The following GLI1 variants were observed in gnomAD, a reference collection of about 807,000 sequenced individuals.
GLI1 encodes GLI family zinc finger 1.
A neutral mutation model predicts 87.8 loss-of-function variants in GLI1; 51 were observed. The ratio of observed to expected loss-of-function variants is 0.58; its 90% CI spans 0.46 to 0.73. The LOEUF (loss-of-function observed/expected upper bound fraction) is 0.73. Among genes scored for constraint, GLI1 ranks in the 30% least tolerant of loss-of-function variants. The pLI, the probability that GLI1 is intolerant of heterozygous loss-of-function variation, is 0.00. For missense variants in GLI1, 1,292 were observed against 1,437.2 expected (o/e 0.90, Z 1.63); for synonymous variants, 528 against 558.2 (o/e 0.95, Z 0.76).
At chr12:57,461,758 CG>C (rs1319350559) in intron 1 of GLI1, among the ~76,000 whole-genome samples, 1 of 131,796 alleles carries the variant, frequency 7.6e-6, no homozygotes, top group Non-Finnish European at 1.7e-5. Flanking sequence ...CGAGGAGGCA[CG>C]GGGGCGGGGA....
At chr12:57,469,200 T>C (rs1393447130) in intron 10 of GLI1, among the ~76,000 whole-genome samples, 1 of 152,222 alleles carries the variant, frequency 6.6e-6, no homozygotes, top group Non-Finnish European at 1.5e-5. Flanking sequence ...CCCAAGGTCA[T>C]AGAACTAAGA....
Position 57,470,784 on chromosome 12 carries a change from A to G in GLI1, c.2044A>G (p.Thr682Ala). Residue 682 changes from threonine to alanine, a missense_variant, in exon 12 of 12, where the codon ACC (threonine) becomes GCC (alanine). Around this residue, in one of 3 missense-constraint regions of GLI1, gnomAD observed 897 missense variants for 1,040.7 expected, o/e 0.86. Coordinates refer to ENST00000228682, the MANE Select transcript of GLI1 (RefSeq NM_005269.3). ...ACAGAACTTTGATCCTTACCTCCCA[A>G]CCTCTGTCTACTCACCACAGCCCCC... The part of the protein sequence containing the change: ...GGQNFDPYLP[T>A]SVYSPQPPSI... The G allele has an allele frequency of 6.2e-7, 1 of 1,613,186 alleles. No homozygotes were observed. The highest frequency in any genetic ancestry group is 8.5e-7 in the Non-Finnish European group (1 of 1,179,588).
At chr12:57,462,240 C>T (rs952580283) in intron 1 of GLI1, among the ~76,000 whole-genome samples, 1 of 151,862 alleles carries the variant, frequency 6.6e-6, no homozygotes, top group African/African-American at 2.4e-5. Flanking sequence ...ACATTAGTTC[C>T]AAGGTCGAGT....
chr12:57,461,958 C>T (rs981035839), intron 1 of GLI1, among the ~76,000 whole-genome samples: 4 of 152,176 alleles, frequency 2.6e-5, no homozygotes, highest in African/African-American at 9.7e-5. Context: ...AAAAAGTTGG[C>T]GACATTTTCC....
chr12:57,463,971 T>G (rs1156420157), intron 2 of GLI1, 28 bp from the exon 3 acceptor site: 1 of 1,530,790 alleles, frequency 6.5e-7, no homozygotes, highest in Admixed American at 1.7e-5. Context: ...TATCCTCCAT[T>G]CCCATTCCAG....
intron 10 of GLI1, among the ~76,000 whole-genome samples, chr12:57,469,226 C>T (rs1431528997): frequency 6.6e-6 from 1 of 152,178 alleles, no homozygotes; most frequent in Admixed American, 6.5e-5. Flanking sequence ...AATTTGAGTC[C>T]AGCCAGTCCG....
At position 57,465,591 on chromosome 12, in the gene GLI1, T is replaced by C; in HGVS notation, c.535-16T>C. Reference sequence around the variant, plus strand: ...TACTTCCACCCTCATCACCGTCACCTCTTCCCCTGGGGAAGCTGAAGTCTG... The same window carrying C: ...TACTTCCACCCTCATCACCGTCACCCCTTCCCCTGGGGAAGCTGAAGTCTG... On this transcript the variant is annotated splice_polypyrimidine_tract_variant and intron_variant, in intron 5 of 11. Transcript: ENST00000228682. 2 of 1,605,564 alleles carry C rather than the reference T, an allele frequency of 1.2e-6. No homozygotes were observed. The highest frequency in any genetic ancestry group is 1.7e-6 in the Non-Finnish European group (2 of 1,172,546).
chr12:57,468,019 G>A lies in GLI1; in HGVS notation c.1103G>A (p.Gly368Asp), dbSNP rs746732590. The A allele has an allele frequency of 1.2e-6, 2 of 1,613,926 alleles. No individual in the cohort carries two copies. Among genetic ancestry groups the A allele is most frequent in the Non-Finnish European group, 1.7e-6 (2 of 1,179,938 alleles). ...AAGCCGTATGTATGTAAGCTCCCTG[G>A]CTGCACCAAACGCTATACAGATCCT... ...NEKPYVCKLPGCTKRYTDPSS... is the reference protein window; with the variant it reads ...NEKPYVCKLPDCTKRYTDPSS... The change falls in exon 10 of 12, where the codon GGC becomes GAC. Residue 368 changes from glycine to aspartate, a missense_variant. Transcript: ENST00000228682.
Position 57,468,164 on chromosome 12 carries a change from G to A in GLI1, c.1248G>A (p.Arg416=). The A allele has an allele frequency of 1.2e-6, 2 of 1,614,202 alleles. No homozygotes were observed. Among genetic ancestry groups the A allele is most frequent in the African/African-American group, 1.3e-5 (1 of 75,050 alleles). The change falls in exon 10 of 12, where the codon AGG becomes AGA. Residue 416 remains arginine, a synonymous_variant. Transcript: ENST00000228682. ...APSISTVEPK[R]EREGGPIREE... is the part of the protein sequence containing the mutation. The stretch of plus-strand genomic sequence containing the variant: ...CCATTTCTACAGTGGAGCCCAAGAG[G>A]GAGCGGGAAGGAGGTCCCATCAGGG...
At position 57,471,859 on chromosome 12, in the gene GLI1, T is replaced by C; in HGVS notation, c.3119T>C (p.Leu1040Pro). The change falls in exon 12 of 12, where the codon CTT becomes CCT. Residue 1040 changes from leucine (L) to proline (P), a missense_variant. Leu to Pro is a moderately conservative substitution (Grantham distance 98, BLOSUM62 -3). This residue lies in a region of GLI1 where 897 missense variants were observed against 1,040.7 expected (regional missense o/e 0.86). Transcript: ENST00000228682. The surrounding 1 kb of genome is among the most constrained non-coding windows in gnomAD (Gnocchi z 4.9). ...EGQVCNPLDSLDLDNTQLDFV... is the reference protein window; with the variant it reads ...EGQVCNPLDSPDLDNTQLDFV... ...CAGGTATGTAACCCCCTGGACTCTC[T>C]TGATCTTGACAACACTCAGCTGGAC... The C allele has an allele frequency of 1.9e-6, 3 of 1,589,832 alleles. No individual in the cohort carries two copies. The highest frequency in any genetic ancestry group is 1.3e-5 in the African/African-American group (1 of 74,268).
At position 57,467,332 on chromosome 12, in the gene GLI1, G is replaced by A. The variant is rs1252002430; in HGVS notation, c.913-1G>A. The A allele has an allele frequency of 1.2e-6, 2 of 1,603,290 alleles. No homozygotes were observed. Among genetic ancestry groups the A allele is most frequent in the Non-Finnish European group, 1.7e-6 (2 of 1,171,588 alleles). On this transcript the variant is annotated splice_acceptor_variant, in intron 8 of 11. Coordinates refer to ENST00000228682, the MANE Select transcript of GLI1 (RefSeq NM_005269.3). LOFTEE classifies it high-confidence loss of function. ...TCCTTTGACCCCTGCATGTCCCCCAGTTTGAAGGGTGCCGGAAGTCATACT... is the reference window on the plus strand; with the variant it reads ...TCCTTTGACCCCTGCATGTCCCCCAATTTGAAGGGTGCCGGAAGTCATACT...
chr12:57,466,502 A>G, intron 8 of GLI1, 113 bp downstream of exon 8: 1 of 688,360 alleles, frequency 1.5e-6, no homozygotes, highest in Non-Finnish European at 2.4e-6. Flanking sequence ...ATAAACAAAT[A>G]TTAAAAATAA....
rs769675836 is a variant in GLI1, at chr12:57,465,694, C to T, written c.622C>T (p.Gln208Ter). The change falls in exon 6 of 12, where the codon CAG becomes TAG. Residue 208 changes from glutamine (Q) to a stop codon, truncating the protein, a stop_gained and splice_region_variant. Coordinates refer to ENST00000228682, the MANE Select transcript of GLI1 (RefSeq NM_005269.3). LOFTEE classifies it high-confidence loss of function. ...GTCCAGCCCCAACTCCACAGGCATA[C>T]AGGTAAGGGGATGGGCAGGAGCTTT... ...DMSSPNSTGIQDPLLGMLDGR... is the reference protein window; with the variant it reads ...DMSSPNSTGI 1 of 1,613,696 alleles carries T rather than the reference C, an allele frequency of 6.2e-7. No individual in the cohort carries two copies. The highest frequency in any genetic ancestry group is 1.7e-5 in the Admixed American group (1 of 60,028).
rs1227277959 is a variant in GLI1 at position 57,459,930 on chromosome 12, G to C, written c.-299G>C. The stretch of plus-strand genomic sequence containing the variant: ...GGGAGGGAAATAGAAGGGAGGTGAG[G>C]GGCGAGCGGGAAGAGCGGCGGCGCG... On this transcript the variant is annotated 5_prime_UTR_variant, in exon 1 of 12. Coordinates refer to ENST00000228682, the MANE Select transcript of GLI1 (RefSeq NM_005269.3). 1.3e-5 allele frequency among the ~76,000 whole-genome samples: 2 copies of C among 152,128 alleles called. No individual in the cohort carries two copies. The highest frequency in any genetic ancestry group is 2.9e-5 in the Non-Finnish European group (2 of 68,030).
rs1268150992 is a variant in GLI1 at position 57,459,920 on chromosome 12, G to A, written c.-309G>A. Among the ~76,000 whole-genome samples the A allele has an allele frequency of 2.0e-5, 3 of 152,154 alleles. No individual in the cohort carries two copies. Among genetic ancestry groups the A allele is most frequent in the Non-Finnish European group, 2.9e-5 (2 of 68,016 alleles). On this transcript the variant is annotated 5_prime_UTR_variant, in exon 1 of 12. Coordinates refer to ENST00000228682, the MANE Select transcript of GLI1 (RefSeq NM_005269.3). ...AACGGCAAGAGGGAGGGAAATAGAA[G>A]GGAGGTGAGGGGCGAGCGGGAAGAG...
chr12:57,460,297 G>T (rs550723261), intron 1 of GLI1, 96 bp downstream of exon 1: 1 of 152,262 alleles, frequency 6.6e-6, no homozygotes, highest in African/African-American at 2.4e-5. Context: ...CCAGACCCGG[G>T]ACATAGAGGC....
At position 57,464,731 on chromosome 12, in the gene GLI1, C is replaced by G; in HGVS notation, c.252C>G (p.Ser84=). ...AGTTGACCAAGAAGCGGGCACTGTC[C>G]ATCTCACCTCTGTCGGATGCCAGCC... ...AVKLTKKRAL[S]ISPLSDASLD... is the part of the protein sequence containing the mutation. The change falls in exon 4 of 12, where the codon TCC becomes TCG. Residue 84 remains serine, a synonymous_variant. Coordinates refer to ENST00000228682, the MANE Select transcript of GLI1 (RefSeq NM_005269.3). 1 of 1,613,946 alleles carries G rather than the reference C, an allele frequency of 6.2e-7. No individual in the cohort carries two copies. Among genetic ancestry groups the G allele is most frequent in the Non-Finnish European group, 8.5e-7 (1 of 1,179,860 alleles).
intron 10 of GLI1, among the ~76,000 whole-genome samples, chr12:57,468,757 CTCTT>C (rs755118325): frequency 1.8e-4 from 27 of 151,874 alleles, no homozygotes; most frequent in Non-Finnish European, 2.5e-4. Context: ...CCAACCCAAA[CTCTT>C]TCTTTTTTTT....
rs1211520456 is a variant in GLI1 at position 57,464,588 on chromosome 12, G to C, written c.194-85G>C. 3 of 880,666 alleles carry C rather than the reference G, an allele frequency of 3.4e-6. No homozygotes were observed. In the Admixed American group the frequency reaches 7.6e-5, roughly 22 times the overall value. 54.6% of individuals were successfully genotyped at this position (880,666 alleles called of 1,614,324 possible). A position where few individuals can be genotyped will look rare whatever the true frequency, so the allele number is the denominator to read the frequency against. On this transcript the variant is annotated intron_variant, in intron 3 of 11. Coordinates refer to ENST00000228682, the MANE Select transcript of GLI1 (RefSeq NM_005269.3). ...GGCAAAGCAGAATCAAGTATCATTG[G>C]TTTTGCCAAGTCAGGACCCATAGGT...
Sources: gnomAD v4.1 joint callset for allele counts (sites outside exome capture counted in the v4.1 genomes callset) on GRCh38, gnomAD v4.1.1 for gene constraint, gnomAD v4.1.1 regional missense constraint, Gnocchi (gnomAD v3.1) non-coding constraint, MANE v1.5 for transcripts, NCBI Gene and HGNC (gene_info 2026-07-23, HGNC 2026-07-21) for gene names.